GALNT15: variants seen among roughly 807,000 people sequenced by gnomAD.
GALNT15 encodes the protein polypeptide N-acetylgalactosaminyltransferase 15, also known as UDP-GalNAc transferase T15.
In GALNT15, 67 loss-of-function variants were observed where a neutral mutation model predicts 66.8. That is an observed-to-expected ratio of 1.00 (90% confidence interval 0.82 to 1.23). The LOEUF (loss-of-function observed/expected upper bound fraction) is 1.23, where lower values mean the gene tolerates loss of function less well. Among genes scored for constraint, GALNT15 ranks in the 50% most tolerant of loss-of-function variants. The pLI is 0.00. For missense variants in GALNT15, 827 were observed against 804.3 expected (o/e 1.03, Z -0.34); for synonymous variants, 313 against 311.5 (o/e 1.00, Z -0.05).
Position 16,220,001 on chromosome 3 carries a change from GCC to G in GALNT15, c.1617_1618del (p.Ser539ArgfsTer74), listed in dbSNP as rs781529563. The G allele has an allele frequency of 1.7e-5, 28 of 1,613,834 alleles. No individual in the cohort carries two copies. Among genetic ancestry groups the G allele is most frequent in the Non-Finnish European group, 2.4e-5 (28 of 1,179,766 alleles). ...ATGGTGTTGGCTCCTTGCAGTGACA[GCC>G]GGCAGCAACAGGTGGGTAGTCAGAC... On this transcript the variant is annotated frameshift_variant, in exon 8 of 10. Transcript: ENST00000339732. LOFTEE classifies it high-confidence loss of function.
chr3:16,246,182 G>A, the GALNT15 span, among the ~76,000 whole-genome samples: 2 of 151,960 alleles, frequency 1.3e-5, no homozygotes, highest in African/African-American at 2.4e-5. Context: ...CAAATCCCTC[G>A]CAAGTTGGCC....
intron 6 of GALNT15, among the ~76,000 whole-genome samples, chr3:16,215,952 C>T (rs565050389): frequency 3.9e-4 from 58 of 147,346 alleles, no homozygotes; most frequent in Non-Finnish European, 5.7e-4. Context: ...AAGAAGAAGG[C>T]GCTCAATAAA....
In GALNT15 at chr3:16,219,870, G is replaced by A; in HGVS notation, c.1525-40G>A. The A allele has an allele frequency of 6.6e-7, 1 of 1,509,608 alleles. No homozygotes were observed. The highest frequency in any genetic ancestry group is 9.2e-7 in the Non-Finnish European group (1 of 1,085,434). 93.5% of individuals were successfully genotyped at this position (1,509,608 alleles called of 1,614,324 possible). On this transcript the variant is annotated intron_variant, in intron 7 of 9. Coordinates refer to ENST00000339732, the MANE Select transcript of GALNT15 (RefSeq NM_054110.5). This position sits in a 1 kb window ranked among gnomAD's most constrained non-coding sequence, Gnocchi z 4.3. ...GTCTGACCGAGGGTGTCTTTACAGT[G>A]GAATCTGGAATTCACTCCTGTGTGT...
rs2064007655 is a variant in GALNT15, at chr3:16,225,903, G to A, written c.1774-1451G>A. Among the ~76,000 whole-genome samples the A allele has an allele frequency of 6.6e-6, 1 of 151,682 alleles. No homozygotes were observed. On this transcript the variant is annotated intron_variant, in intron 9 of 9. Coordinates refer to ENST00000339732, the MANE Select transcript of GALNT15 (RefSeq NM_054110.5). The surrounding 1 kb of genome is among the most constrained non-coding windows in gnomAD (Gnocchi z 4.4). ...TCTCTACTAAAAATACAAAAAATTA[G>A]CTGGGCATGGTGTCACATGCCTGTA...
chr3:16,187,487 G>C lies in GALNT15; in HGVS notation c.540-8273G>C, dbSNP rs1170414692. ...GGGCACTTTAGTTTTTCTTCAAGCAGACTGTAATCCTCTATTAGGCTACGT... is the reference window on the plus strand; with the variant it reads ...GGGCACTTTAGTTTTTCTTCAAGCACACTGTAATCCTCTATTAGGCTACGT... On this transcript the variant is annotated intron_variant, in intron 1 of 9. Coordinates refer to ENST00000339732, the MANE Select transcript of GALNT15 (RefSeq NM_054110.5). This position sits in a 1 kb window ranked among gnomAD's most constrained non-coding sequence, Gnocchi z 5.1. 6.6e-6 allele frequency among the ~76,000 whole-genome samples: 1 copy of C among 152,168 alleles called. No homozygotes were observed. The highest frequency in any genetic ancestry group is 1.5e-5 in the Non-Finnish European group (1 of 68,042).
downstream of GALNT15, among the ~76,000 whole-genome samples, chr3:16,232,469 A>AATAAATAAATATATAT (rs1553689248): frequency 5.2e-5 from 2 of 38,756 alleles, no homozygotes; most frequent in African/African-American, 8.0e-5. Flanking sequence ...TAAATAAATA[A>AATAAATAAATATATAT]ATATATATAT....
chr3:16,196,956 G>A (rs2063645181), intron 2 of GALNT15, among the ~76,000 whole-genome samples: 1 of 152,190 alleles, frequency 6.6e-6, no homozygotes, highest in South Asian at 2.1e-4. Flanking sequence ...TCCAGGGATG[G>A]GCCTAGCCTG....
At position 16,204,272 on chromosome 3, in the gene GALNT15, T is replaced by C. The variant is rs1345447340; in HGVS notation, c.911+3449T>C. Among the ~76,000 whole-genome samples, 1 of 152,106 alleles carries C rather than the reference T, an allele frequency of 6.6e-6. No individual in the cohort carries two copies. Among genetic ancestry groups the C allele is most frequent in the Non-Finnish European group, 1.5e-5 (1 of 68,020 alleles). Reference sequence around the variant, plus strand: ...CTTCCTCATGACCATTCCTCCTGACTCCCATTCCTCAGAAAATTGGTCATA... The same window carrying C: ...CTTCCTCATGACCATTCCTCCTGACCCCCATTCCTCAGAAAATTGGTCATA... On this transcript the variant is annotated intron_variant, in intron 3 of 9. Coordinates refer to ENST00000339732, the MANE Select transcript of GALNT15 (RefSeq NM_054110.5). The surrounding 1 kb of genome is among the most constrained non-coding windows in gnomAD (Gnocchi z 4.5).
intron 1 of GALNT15, among the ~76,000 whole-genome samples, chr3:16,190,622 A>G (rs13098972): frequency 0.055 from 7,828 of 141,460 alleles, 270 homozygotes; most frequent in Middle Eastern, 0.081. Flanking sequence ...TGGGGGACAG[A>G]GCGAGACTCC....
chr3:16,234,672 CT>C (rs1396231159), downstream of GALNT15, among the ~76,000 whole-genome samples: 7 of 152,232 alleles, frequency 4.6e-5, no homozygotes, highest in African/African-American at 9.6e-5. Flanking sequence ...ATCTCTATGT[CT>C]CCTAATGGGG....
At chr3:16,247,300 T>A in the GALNT15 span, among the ~76,000 whole-genome samples, 2 of 152,368 alleles carry the variant, frequency 1.3e-5, no homozygotes, top group East Asian at 3.9e-4. Flanking sequence ...TTAGCACATG[T>A]CTTTTCATTT....
At chr3:16,197,434 GGTC>G (rs2063650234) in intron 2 of GALNT15, among the ~76,000 whole-genome samples, 1 of 152,188 alleles carries the variant, frequency 6.6e-6, no homozygotes, top group African/African-American at 2.4e-5. Flanking sequence ...TATTTCTGCA[GGTC>G]CCTCTCCTCT....
chr3:16,208,107 A>T (rs952424221), intron 3 of GALNT15, among the ~76,000 whole-genome samples: 3 of 152,230 alleles, frequency 2.0e-5, no homozygotes, highest in African/African-American at 7.2e-5. Flanking sequence ...CTAATTCCTT[A>T]TGGAAAAACA....
intron 6 of GALNT15, among the ~76,000 whole-genome samples, chr3:16,215,712 C>A (rs2063864213): frequency 1.3e-5 from 2 of 151,900 alleles, no homozygotes; most frequent in African/African-American, 4.8e-5. Flanking sequence ...GAAATCGAGA[C>A]CATCCTGGCT....
In GALNT15 at chr3:16,182,143, TCA is replaced by T. The variant is rs2124839966; in HGVS notation, c.539+6456_539+6457del. ...TTGATGTTATTTACTCCAGTGCCAC[TCA>T]CAGTGTGGTCCTCAGACCTGCAGCC... On this transcript the variant is annotated intron_variant, in intron 1 of 9. Transcript: ENST00000339732. The surrounding 1 kb of genome is among the most constrained non-coding windows in gnomAD (Gnocchi z 6.1). Among the ~76,000 whole-genome samples, 1 of 152,278 alleles carries T rather than the reference TCA, an allele frequency of 6.6e-6. No individual in the cohort carries two copies. Among genetic ancestry groups the T allele is most frequent in the South Asian group, 2.1e-4 (1 of 4,816 alleles).
At chr3:16,207,285 G>T (rs1381491062) in intron 3 of GALNT15, among the ~76,000 whole-genome samples, 2 of 152,164 alleles carry the variant, frequency 1.3e-5, no homozygotes, top group Middle Eastern at 3.4e-3. Flanking sequence ...CTCTTAGAGT[G>T]ATATCTTCTA....
chr3:16,191,315 GAGGT>G lies in GALNT15; in HGVS notation c.540-4443_540-4440del. Reference sequence around the variant, plus strand: ...CACTTTCAAGGCTGGAAGAGCCTGAGAGGTACCTCTTGTAGTAATGGGACATCTG... The same window carrying G: ...CACTTTCAAGGCTGGAAGAGCCTGAGACCTCTTGTAGTAATGGGACATCTG... On this transcript the variant is annotated intron_variant, in intron 1 of 9. Transcript: ENST00000339732. The surrounding 1 kb of genome is among the most constrained non-coding windows in gnomAD (Gnocchi z 5.2). 1.0e-6 allele frequency: 1 copy of G among 985,244 alleles called. No individual in the cohort carries two copies. Among genetic ancestry groups the G allele is most frequent in the Non-Finnish European group, 1.2e-6 (1 of 829,734 alleles). The allele number at this position is 985,244 out of a possible 1,614,324, so 61.0% of individuals were successfully genotyped here.
At chr3:16,194,569 C>T (rs1437517979) in intron 1 of GALNT15, among the ~76,000 whole-genome samples, 6 of 152,070 alleles carry the variant, frequency 3.9e-5, no homozygotes, top group Non-Finnish European at 5.9e-5. Context: ...AGTGAAGTCA[C>T]GGAATCAACC....
rs911587699 is a variant in GALNT15 at position 16,227,799 on chromosome 3, A to G, written c.*299A>G. On this transcript the variant is annotated 3_prime_UTR_variant, in exon 10 of 10. Coordinates refer to ENST00000339732, the MANE Select transcript of GALNT15 (RefSeq NM_054110.5). The surrounding 1 kb of genome is among the most constrained non-coding windows in gnomAD (Gnocchi z 4.5). ...GTTTTTCTCCACTGAGCACTTAACA[A>G]TTGCTTTCTCTCTGGCCTGGACATT... 8.8e-7 allele frequency: 1 copy of G among 1,137,030 alleles called. No individual in the cohort carries two copies. The highest frequency in any genetic ancestry group is 2.5e-5 in the South Asian group (1 of 39,340). 70.4% of individuals were successfully genotyped at this position (1,137,030 alleles called of 1,614,324 possible). A position where few individuals can be genotyped will look rare whatever the true frequency, so the allele number is the denominator to read the frequency against.
Sources: allele counts gnomAD v4.1 joint callset (sites outside exome capture counted in the v4.1 genomes callset), GRCh38; gene constraint gnomAD v4.1.1; non-coding constraint Gnocchi (gnomAD v3.1); transcripts MANE v1.5; gene names NCBI Gene and HGNC (gene_info 2026-07-23, HGNC 2026-07-21).